Variants in LRBA observed in about 807,000 individuals in gnomAD.
LRBA encodes the protein LPS responsive beige-like anchor protein.
A neutral mutation model predicts 330.0 loss-of-function variants in LRBA; 176 were observed. That is an observed-to-expected ratio of 0.53 (90% CI 0.47 to 0.60). LRBA has a LOEUF of 0.60. Ranked by LOEUF, LRBA falls within the 20% of genes least tolerant of loss-of-function variation. LRBA has a pLI of 0.00. For synonymous variants in LRBA, 1,230 were observed against 1,193.0 expected, an observed-to-expected ratio of 1.03 and a Z score of -0.64; for missense variants, 3,259 against 3,444.8, an observed-to-expected ratio of 0.95 and a Z score of 1.35.
intron 54 of LRBA, among the ~76,000 whole-genome samples, chr4:150,283,460 A>T (rs1747793716): frequency 6.6e-6 from 1 of 152,202 alleles, no homozygotes; most frequent in Non-Finnish European, 1.5e-5. Flanking sequence ...AGCAAGTTCC[A>T]AGAGATAGTC....
At chr4:150,819,219 C>G (rs1578883680) in intron 30 of LRBA, among the ~76,000 whole-genome samples, 1 of 148,278 alleles carries the variant, frequency 6.7e-6, no homozygotes, top group Non-Finnish European at 1.5e-5. Context: ...ATGTCTAGAA[C>G]AGACAAAACT....
intron 40 of LRBA, among the ~76,000 whole-genome samples, chr4:150,534,385 TA>T (rs1382022935): frequency 5.7e-4 from 85 of 149,032 alleles, no homozygotes; most frequent in East Asian, 2.0e-3. Context: ...TAATTTTTTT[TA>T]AAAAAACACT....
chr4:150,521,061 A>C (rs1184064768), intron 40 of LRBA, among the ~76,000 whole-genome samples: 1 of 152,146 alleles, frequency 6.6e-6, no homozygotes, highest in Non-Finnish European at 1.5e-5. Flanking sequence ...TTTCATGGCT[A>C]TAACATGTAT....
At chr4:151,011,231 C>T (rs1020093385) in intron 2 of LRBA, among the ~76,000 whole-genome samples, 4 of 151,740 alleles carry the variant, frequency 2.6e-5, no homozygotes, top group Non-Finnish European at 4.4e-5. Flanking sequence ...TATGGCTCTA[C>T]CATGTACTAT....
intron 17 of LRBA, among the ~76,000 whole-genome samples, chr4:150,882,625 T>C (rs941673748): frequency 1.3e-5 from 2 of 152,176 alleles, no homozygotes; most frequent in African/African-American, 2.4e-5. Flanking sequence ...AAATATACTA[T>C]GGTATGTACA....
chr4:150,265,632 T>G lies in LRBA; in HGVS notation c.*90A>C. 1.3e-4 allele frequency: 107 copies of G among 828,188 alleles called. No homozygotes were observed. Among genetic ancestry groups the G allele is most frequent in the Non-Finnish European group, 1.8e-4 (89 of 490,958 alleles). 51.3% of individuals were successfully genotyped at this position (828,188 alleles called of 1,614,324 possible). A position where few individuals can be genotyped will look rare whatever the true frequency, so the allele number is the denominator to read the frequency against. On this transcript the variant is annotated 3_prime_UTR_variant, in exon 57 of 57. Transcript: ENST00000651943. The stretch of plus-strand genomic sequence containing the variant: ...AAAATATTTTGCTTCTTTGAGCAAA[T>G]TTAAGTTACATTCAGATGTGGTAGA...
At chr4:150,995,500 A>G (rs1742528861) in intron 2 of LRBA, among the ~76,000 whole-genome samples, 1 of 152,116 alleles carries the variant, frequency 6.6e-6, no homozygotes, top group African/African-American at 2.4e-5. Flanking sequence ...TGAGGAAAAG[A>G]AACTGTAAAA....
At chr4:150,920,602 G>A (rs1180444889) in intron 5 of LRBA, among the ~76,000 whole-genome samples, 1 of 152,114 alleles carries the variant, frequency 6.6e-6, no homozygotes, top group African/African-American at 2.4e-5. Flanking sequence ...ATGTAATAAT[G>A]AGGAGATTTT....
intron 2 of LRBA, among the ~76,000 whole-genome samples, chr4:150,981,688 C>T (rs1217164728): frequency 1.3e-5 from 2 of 152,026 alleles, no homozygotes; most frequent in East Asian, 1.9e-4. Context: ...GGGCCGGACA[C>T]GGTGGCTCAC....
intron 25 of LRBA, 85 bp from the exon 26 acceptor site, chr4:150,849,083 C>T (rs370355607): frequency 9.3e-6 from 8 of 861,296 alleles, no homozygotes; most frequent in African/African-American, 7.0e-5. Context: ...TTATAAATTG[C>T]ATAAGTAGTC....
At chr4:150,364,609 G>A (rs1739176998) in intron 47 of LRBA, among the ~76,000 whole-genome samples, 1 of 152,160 alleles carries the variant, frequency 6.6e-6, no homozygotes, top group Non-Finnish European at 1.5e-5. Flanking sequence ...CTAGTAACAA[G>A]TATTGCTGAG....
chr4:150,922,566 A>G (rs1561010519), intron 4 of LRBA, among the ~76,000 whole-genome samples: 2 of 152,222 alleles, frequency 1.3e-5, no homozygotes, highest in South Asian at 2.1e-4. Context: ...GAGCTAAGCT[A>G]TGAGGACACA....
At chr4:150,952,933 C>G (rs1737011746) in intron 2 of LRBA, among the ~76,000 whole-genome samples, 1 of 152,126 alleles carries the variant, frequency 6.6e-6, no homozygotes, top group Non-Finnish European at 1.5e-5. Context: ...TTCCTTTCCT[C>G]TTCTGTTTCC....
Position 150,324,606 on chromosome 4 carries a change from G to GA in LRBA, c.7452+1202dup, listed in dbSNP as rs1554000000. Reference sequence around the variant, plus strand: ...CAGAAGGTGATGTGGGAAGAGAAAGGAAAAAAAAAAAGGAAAAAAGAGCCA... The same window carrying GA: ...CAGAAGGTGATGTGGGAAGAGAAAGGAAAAAAAAAAAAGGAAAAAAGAGCCA... On this transcript the variant is annotated intron_variant, in intron 49 of 56. Transcript: ENST00000651943. Among the ~76,000 whole-genome samples the GA allele has an allele frequency of 4.3e-3, 612 of 143,334 alleles. 1 individual carries two copies. Among genetic ancestry groups the GA allele is most frequent in the East Asian group, 1.0e-2 (49 of 4,916 alleles). 94.0% of individuals were successfully genotyped at this position (143,334 alleles called of 152,430 possible).
intron 55 of LRBA, among the ~76,000 whole-genome samples, chr4:150,282,102 A>C (rs1747607217): frequency 6.6e-6 from 1 of 152,232 alleles, no homozygotes; most frequent in South Asian, 2.1e-4. Flanking sequence ...GTACTATTTC[A>C]GCTTTCATAC....
At chr4:150,871,012 A>G (rs1358523072) in intron 19 of LRBA, among the ~76,000 whole-genome samples, 1 of 152,022 alleles carries the variant, frequency 6.6e-6, no homozygotes, top group Non-Finnish European at 1.5e-5. Flanking sequence ...GGGAGGCTGA[A>G]GTGGGTAGAT....
chr4:151,014,364 T>C (rs1001095400), intron 2 of LRBA, 63 bp downstream of exon 2: 1 of 1,386,090 alleles, frequency 7.2e-7, no homozygotes, highest in Non-Finnish European at 1.0e-6. Flanking sequence ...GGCTCCAGCT[T>C]TAAGATCTTG....
chr4:150,796,411 T>C (rs1299586737), intron 34 of LRBA, among the ~76,000 whole-genome samples: 1 of 151,962 alleles, frequency 6.6e-6, no homozygotes, highest in Non-Finnish European at 1.5e-5. Flanking sequence ...CTGTGCTACA[T>C]CTTGTAGAGA....
chr4:150,673,362 T>C (rs934495933), intron 37 of LRBA, among the ~76,000 whole-genome samples: 1 of 152,202 alleles, frequency 6.6e-6, no homozygotes. Flanking sequence ...AGTCATTGTA[T>C]ATCCAGCTAT....
Sources: gnomAD v4.1 joint callset for allele counts (sites outside exome capture counted in the v4.1 genomes callset) on GRCh38, gnomAD v4.1.1 for gene constraint, MANE v1.5 for transcripts, NCBI Gene and HGNC (gene_info 2026-07-23, HGNC 2026-07-21) for gene names.